GUCA1C: variants seen among roughly 807,000 people sequenced by gnomAD.
The protein encoded by GUCA1C is guanylate cyclase activator 1C, also known as guanylyl cyclase-activating protein 3.
A neutral mutation model predicts 16.2 loss-of-function variants in GUCA1C; 15 were observed. The ratio of observed to expected loss-of-function variants is 0.93; its 90% CI spans 0.62 to 1.43. The LOEUF is 1.43. GUCA1C is among the 40% of genes most tolerant of loss of function. The pLI, the probability that GUCA1C is intolerant of heterozygous loss-of-function variation, is 0.00. For missense variants in GUCA1C, 275 were observed against 244.8 expected, an observed-to-expected ratio of 1.12 and a Z score of -0.82; for synonymous variants, 78 against 85.4, an observed-to-expected ratio of 0.91 and a Z score of 0.48.
At position 108,920,431 on chromosome 3, in the gene GUCA1C, C is replaced by T. The variant is rs1946557909; in HGVS notation, c.354+5G>A. ...CTGAAAAGGATACTTTACTACTTCA[C>T]TTACCATGAACATGTCCAGTAGTTC... is the stretch of plus-strand genomic sequence containing the variant. On this transcript the variant is annotated splice_donor_5th_base_variant and intron_variant, in intron 2 of 3. Coordinates refer to ENST00000261047, the MANE Select transcript of GUCA1C (RefSeq NM_005459.4). 1.9e-6 allele frequency: 3 copies of T among 1,605,290 alleles called. No individual in the cohort carries two copies. The highest frequency in any genetic ancestry group is 2.6e-6 in the Non-Finnish European group (3 of 1,172,670).
chr3:108,948,614 C>T (rs140767472), intron 1 of GUCA1C, among the ~76,000 whole-genome samples: 24 of 152,184 alleles, frequency 1.6e-4, no homozygotes, highest in African/African-American at 4.8e-4. Context: ...TGATTTGGCT[C>T]GATAATTTCC....
intron 1 of GUCA1C, among the ~76,000 whole-genome samples, chr3:108,921,987 T>C (rs1419682420): frequency 6.6e-6 from 1 of 152,162 alleles, no homozygotes; most frequent in Non-Finnish European, 1.5e-5. Flanking sequence ...TGCATCCTCA[T>C]AGCTTAACTC....
intron 1 of GUCA1C, among the ~76,000 whole-genome samples, chr3:108,936,482 A>G (rs2107305204): frequency 6.6e-6 from 1 of 152,346 alleles, no homozygotes; most frequent in African/African-American, 2.4e-5. Context: ...CAGAGAAGTT[A>G]AATAAATGAA....
intron 1 of GUCA1C, among the ~76,000 whole-genome samples, chr3:108,943,409 A>G (rs1179146916): frequency 6.6e-6 from 1 of 152,314 alleles, no homozygotes; most frequent in South Asian, 2.1e-4. Flanking sequence ...GTATGTGGCC[A>G]GAGAAGCCTG....
chr3:108,932,906 G>GA lies in GUCA1C; in HGVS notation c.205-12322dup, dbSNP rs751468692. Among the ~76,000 whole-genome samples the GA allele has an allele frequency of 8.2e-4, 70 of 85,574 alleles. 1 individual carries two copies. The highest frequency in any genetic ancestry group is 0.014 in the Middle Eastern group (2 of 144). The allele number at this position is 85,574 out of a possible 152,430, so 56.1% of individuals were successfully genotyped here. A position where few individuals can be genotyped will look rare whatever the true frequency, so the allele number is the denominator to read the frequency against. On this transcript the variant is annotated intron_variant, in intron 1 of 3. Coordinates refer to ENST00000261047, the MANE Select transcript of GUCA1C (RefSeq NM_005459.4). ...CATTGCACTCCAGCCTGGGCCACAA[G>GA]AAAAAAAAAAAAAATCTCAAAAAAA...
chr3:108,946,215 C>T (rs538104046), intron 1 of GUCA1C, among the ~76,000 whole-genome samples: 2 of 152,292 alleles, frequency 1.3e-5, no homozygotes, highest in African/African-American at 2.4e-5. Flanking sequence ...CAGTCTCAAC[C>T]GCTCCAGACT....
At chr3:108,936,278 G>A (rs1946726755) in intron 1 of GUCA1C, among the ~76,000 whole-genome samples, 1 of 151,566 alleles carries the variant, frequency 6.6e-6, no homozygotes. Context: ...AAAGGCTTAT[G>A]TACATGTGAA....
At chr3:108,925,133 G>A (rs1187081392) in intron 1 of GUCA1C, among the ~76,000 whole-genome samples, 6 of 148,240 alleles carry the variant, frequency 4.0e-5, no homozygotes, top group Admixed American at 4.0e-4. Flanking sequence ...ATTTCATTTA[G>A]TTCTGCTCTG....
intron 1 of GUCA1C, among the ~76,000 whole-genome samples, chr3:108,952,866 C>G (rs1559850440): frequency 6.8e-6 from 1 of 147,974 alleles, no homozygotes; most frequent in African/African-American, 2.5e-5. Flanking sequence ...TTTTGTCTCT[C>G]TTTTTTTTTT....
intron 1 of GUCA1C, 57 bp downstream of exon 1, chr3:108,953,502 A>AAG: frequency 9.5e-7 from 1 of 1,053,842 alleles, no homozygotes. Flanking sequence ...AAAAAAAAAA[A>AAG]GGGAAGAGTG....
rs1946559662 is a variant in GUCA1C, at chr3:108,920,521, T to C, written c.269A>G (p.Glu90Gly). The C allele has an allele frequency of 6.3e-7, 1 of 1,592,946 alleles. No individual in the cohort carries two copies. ...AVNLIMQEKM[E>G]QKLKWYFKLY... is the part of the protein sequence containing the mutation. ...CTTAAAATACCATTTTAATTTTTGC[T>C]CCATTTTTTCTTGCATGATTAGATT... The change falls in exon 2 of 4, where the codon GAG (glutamate) becomes GGG (glycine). Residue 90 changes from glutamate (E) to glycine (G), a missense_variant. Coordinates refer to ENST00000261047, the MANE Select transcript of GUCA1C (RefSeq NM_005459.4).
chr3:108,930,289 C>T (rs1036362499), intron 1 of GUCA1C, among the ~76,000 whole-genome samples: 34 of 152,106 alleles, frequency 2.2e-4, no homozygotes, highest in African/African-American at 8.0e-4. Flanking sequence ...AACCACTGCT[C>T]CCCGGAAATA....
chr3:108,918,060 A>AC (rs1946535462), intron 2 of GUCA1C, among the ~76,000 whole-genome samples: 1 of 151,970 alleles, frequency 6.6e-6, no homozygotes, highest in African/African-American at 2.4e-5. Flanking sequence ...AATAAAAAAA[A>AC]CTCTTAAAAT....
rs1242229720 is a variant in GUCA1C, at chr3:108,914,763, C to T, written c.442+1364G>A. 5.3e-5 allele frequency among the ~76,000 whole-genome samples: 8 copies of T among 152,196 alleles called. No individual in the cohort carries two copies. In the South Asian group the frequency reaches 1.5e-3, roughly 28 times the overall value. On this transcript the variant is annotated intron_variant, in intron 3 of 3. Transcript: ENST00000261047. The stretch of plus-strand genomic sequence containing the variant: ...TAAAATCTACAGCATTTCTCCAGTT[C>T]GATGACCACGATTTTCAGTGGCATA...
intron 3 of GUCA1C, among the ~76,000 whole-genome samples, chr3:108,913,308 T>C (rs1280813230): frequency 1.3e-5 from 2 of 151,956 alleles, no homozygotes; most frequent in Admixed American, 6.6e-5. Context: ...TTTCTATCAA[T>C]GCTGATGTTT....
At chr3:108,927,216 T>C (rs143684667) in intron 1 of GUCA1C, among the ~76,000 whole-genome samples, 3 of 152,312 alleles carry the variant, frequency 2.0e-5, no homozygotes, top group African/African-American at 4.8e-5. Context: ...TAGGCAATGA[T>C]CTTTTTGTGA....
intron 1 of GUCA1C, among the ~76,000 whole-genome samples, chr3:108,934,186 T>G (rs1576552166): frequency 1.1e-4 from 16 of 147,332 alleles, no homozygotes; most frequent in East Asian, 2.0e-4. Context: ...GGGGGGTGGG[T>G]GGCAAGGGGA....
chr3:108,918,760 T>A (rs1297050908), intron 2 of GUCA1C, among the ~76,000 whole-genome samples: 1 of 152,174 alleles, frequency 6.6e-6, no homozygotes, highest in Non-Finnish European at 1.5e-5. Flanking sequence ...AGAACTTAGA[T>A]TATACACTTT....
At chr3:108,943,194 G>A (rs1303257201) in intron 1 of GUCA1C, among the ~76,000 whole-genome samples, 3 of 152,178 alleles carry the variant, frequency 2.0e-5, no homozygotes, top group Non-Finnish European at 2.9e-5. Context: ...GGAAGGTGTG[G>A]AATAAGGGAA....
Sources: gnomAD v4.1 joint callset for allele counts (sites outside exome capture counted in the v4.1 genomes callset) on GRCh38, gnomAD v4.1.1 for gene constraint, MANE v1.5 for transcripts, NCBI Gene and HGNC (gene_info 2026-07-23, HGNC 2026-07-21) for gene names.